The following EPHB2 variants were observed in gnomAD, a reference collection of about 807,000 sequenced individuals.
The protein encoded by EPHB2 is ephrin type-B receptor 2.
EPHB2 carries 18 observed loss-of-function variants against 96.4 expected under a neutral mutation model. That is an observed-to-expected ratio of 0.19 (90% confidence interval 0.13 to 0.28). The LOEUF (loss-of-function observed/expected upper bound fraction) is 0.28. EPHB2 is among the 10% of genes least tolerant of loss of function. The pLI, the probability that EPHB2 is intolerant of heterozygous loss-of-function variation, is 1.00. For synonymous variants in EPHB2, 506 were observed against 534.1 expected (o/e 0.95, Z 0.72); for missense variants, 989 against 1,355.4 (o/e 0.73, Z 4.25).
chr1:22,775,163 A>G (rs1644432146), intron 1 of EPHB2: 1 of 779,452 alleles, frequency 1.3e-6, no homozygotes, highest in African/African-American at 1.7e-5. Context: ...GGCTATGGCC[A>G]TGGCATCTTA....
At chr1:22,743,159 T>TGG (rs1643925533) in intron 1 of EPHB2, among the ~76,000 whole-genome samples, 1 of 152,004 alleles carries the variant, frequency 6.6e-6, no homozygotes, top group African/African-American at 2.4e-5. Context: ...CCTGAAACAG[T>TGG]GGGAGTACAA....
intron 3 of EPHB2, among the ~76,000 whole-genome samples, chr1:22,822,671 C>G (rs1645168301): frequency 6.6e-6 from 1 of 152,246 alleles, no homozygotes; most frequent in South Asian, 2.1e-4. Context: ...AAAGGAAGGC[C>G]CTGTTGGCCA....
intron 9 of EPHB2, among the ~76,000 whole-genome samples, chr1:22,898,942 T>C (rs533028709): frequency 8.4e-4 from 128 of 152,298 alleles, no homozygotes; most frequent in African/African-American, 2.9e-3. Context: ...CCAGGCACGG[T>C]GGCTCACGCC....
intron 1 of EPHB2, among the ~76,000 whole-genome samples, chr1:22,713,416 A>G (rs2043969): frequency 0.15 from 23,060 of 152,038 alleles, 1,930 homozygotes; most frequent in East Asian, 0.35. Context: ...TCTACGCCCT[A>G]CTTCCCCTCT....
rs1645774028 is a variant in EPHB2 at position 22,860,284 on chromosome 1, A to C, written c.812-2753A>C. 6.6e-6 allele frequency among the ~76,000 whole-genome samples: 1 copy of C among 152,082 alleles called. No homozygotes were observed. Among genetic ancestry groups the C allele is most frequent in the Non-Finnish European group, 1.5e-5 (1 of 68,020 alleles). ...GATGCTGGCAGCGGGGGGAGCGGCC[A>C]AGACCAGACCAGAGACTGCTGAGGA... On this transcript the variant is annotated intron_variant, in intron 3 of 15. Coordinates refer to ENST00000374630, the MANE Select transcript of EPHB2 (RefSeq NM_017449.5). This position sits in a 1 kb window ranked among gnomAD's most constrained non-coding sequence, Gnocchi z 4.6.
chr1:22,792,600 T>C (rs1329665313), intron 3 of EPHB2, among the ~76,000 whole-genome samples: 2 of 152,160 alleles, frequency 1.3e-5, no homozygotes, highest in African/African-American at 4.8e-5. Context: ...CATCCATCCA[T>C]CTGTCCATGA....
At chr1:22,837,227 G>T (rs77010820) in intron 3 of EPHB2, among the ~76,000 whole-genome samples, 23 of 152,294 alleles carry the variant, frequency 1.5e-4, no homozygotes, top group African/African-American at 5.5e-4. Context: ...CAGGCCTGAA[G>T]GGGGGAAGCC....
chr1:22,847,273 C>G (rs1247270675), intron 3 of EPHB2, among the ~76,000 whole-genome samples: 1 of 152,134 alleles, frequency 6.6e-6, no homozygotes, highest in Non-Finnish European at 1.5e-5. Flanking sequence ...AGGAGCTTGC[C>G]CAAGGTCAGT....
intron 1 of EPHB2, among the ~76,000 whole-genome samples, chr1:22,712,302 CT>C: frequency 6.6e-6 from 1 of 152,308 alleles, no homozygotes; most frequent in Admixed American, 6.5e-5. Context: ...TGTGGTCTTT[CT>C]TTGAAACCAG....
At position 22,726,658 on chromosome 1, in the gene EPHB2, G is replaced by A. The variant is rs188392692; in HGVS notation, c.61+15615G>A. Among the ~76,000 whole-genome samples, 58 of 152,260 alleles carry A rather than the reference G, an allele frequency of 3.8e-4. 1 individual carries two copies. The East Asian group carries it at 0.011, about 28-fold the overall frequency. On this transcript the variant is annotated intron_variant, in intron 1 of 15. Coordinates refer to ENST00000374630, the MANE Select transcript of EPHB2 (RefSeq NM_017449.5). Reference sequence around the variant, plus strand: ...GCTGGTCTTGAACTCCTGACTTCAAGTGATCTGCCCGCCTCAGCCTCCCAA... The same window carrying A: ...GCTGGTCTTGAACTCCTGACTTCAAATGATCTGCCCGCCTCAGCCTCCCAA...
chr1:22,739,910 G>T (rs1274082324), intron 1 of EPHB2, among the ~76,000 whole-genome samples: 2 of 152,208 alleles, frequency 1.3e-5, no homozygotes. Context: ...GCTGCCCGGG[G>T]TTTGCGGTTT....
intron 8 of EPHB2, 61 bp downstream of exon 8, chr1:22,895,641 T>C: frequency 6.9e-7 from 1 of 1,442,856 alleles, no homozygotes; most frequent in Non-Finnish European, 9.8e-7. Context: ...TCTCTCTCTA[T>C]TCAGTCATCC....
At chr1:22,741,972 C>T (rs6669666) in intron 1 of EPHB2, among the ~76,000 whole-genome samples, 26,274 of 151,890 alleles carry the variant, frequency 0.17, 2,433 homozygotes, top group Non-Finnish European at 0.2. Context: ...CATTGGTACC[C>T]CACACCTCTT....
chr1:22,905,542 C>T (rs536117252), intron 9 of EPHB2, among the ~76,000 whole-genome samples: 7 of 152,278 alleles, frequency 4.6e-5, no homozygotes, highest in African/African-American at 9.6e-5. Flanking sequence ...AAAGACAACA[C>T]GGTCTATTGC....
At chr1:22,720,093 T>C (rs1643417386) in intron 1 of EPHB2, among the ~76,000 whole-genome samples, 1 of 152,176 alleles carries the variant, frequency 6.6e-6, no homozygotes, top group African/African-American at 2.4e-5. Context: ...CCTCGCTATC[T>C]CCCATCCTTT....
At chr1:22,812,420 G>A (rs978007928) in intron 3 of EPHB2, among the ~76,000 whole-genome samples, 2 of 152,216 alleles carry the variant, frequency 1.3e-5, no homozygotes, top group Non-Finnish European at 2.9e-5. Context: ...AGAAACGGAT[G>A]AAGATGGAAA....
chr1:22,807,575 A>C (rs74061029), intron 3 of EPHB2, among the ~76,000 whole-genome samples: 8,250 of 152,256 alleles, frequency 0.054, 656 homozygotes, highest in African/African-American at 0.18. Context: ...TGGTCTGAGC[A>C]TGTGCCATGT....
At chr1:22,814,136 C>T (rs1411373332) in intron 3 of EPHB2, among the ~76,000 whole-genome samples, 1 of 152,096 alleles carries the variant, frequency 6.6e-6, no homozygotes, top group African/African-American at 2.4e-5. Context: ...CGCCATTGCA[C>T]TCCAGCCTGG....
At chr1:22,907,871 C>G in intron 11 of EPHB2, 82 bp from the exon 12 acceptor site, 1 of 1,552,196 alleles carries the variant, frequency 6.4e-7, no homozygotes, top group Non-Finnish European at 8.9e-7. Flanking sequence ...GGGCCCTGCT[C>G]TGGTTTCCCA....
Sources: allele counts gnomAD v4.1 joint callset (sites outside exome capture counted in the v4.1 genomes callset), GRCh38; gene constraint gnomAD v4.1.1; non-coding constraint Gnocchi (gnomAD v3.1); transcripts MANE v1.5; gene names NCBI Gene and HGNC (gene_info 2026-07-23, HGNC 2026-07-21).